PTCHD4: variants seen among roughly 807,000 people sequenced by gnomAD.
PTCHD4 encodes the protein patched domain containing 4.
PTCHD4 carries 33 observed loss-of-function variants against 58.1 expected under a neutral mutation model. That is an observed-to-expected ratio of 0.57 (90% CI 0.43 to 0.76). PTCHD4 has a LOEUF of 0.76. Ranked by LOEUF, PTCHD4 falls within the 30% of genes least tolerant of loss-of-function variation. The pLI is 0.00. For synonymous variants in PTCHD4, 478 were observed against 409.6 expected, an observed-to-expected ratio of 1.17 and a Z score of -2.02; for missense variants, 1,058 against 1,027.1, an observed-to-expected ratio of 1.03 and a Z score of -0.41.
At chr6:47,911,884 C>T (rs938508832) in intron 4 of PTCHD4, among the ~76,000 whole-genome samples, 1 of 151,988 alleles carries the variant, frequency 6.6e-6, no homozygotes, top group Admixed American at 6.6e-5. Flanking sequence ...CAAAGAGACC[C>T]TTGGACTAAA....
At chr6:47,959,863 A>G (rs1309135846) in intron 4 of PTCHD4, among the ~76,000 whole-genome samples, 1 of 146,044 alleles carries the variant, frequency 6.8e-6, no homozygotes, top group African/African-American at 2.7e-5. Flanking sequence ...GGAGTCTTCC[A>G]AATAGAAAAA....
At chr6:47,961,129 G>T (rs1412676803) in intron 4 of PTCHD4, among the ~76,000 whole-genome samples, 1 of 151,524 alleles carries the variant, frequency 6.6e-6, no homozygotes, top group Non-Finnish European at 1.5e-5. Flanking sequence ...AAAATTTCAG[G>T]TTCTACAAAG....
intron 1 of PTCHD4, among the ~76,000 whole-genome samples, chr6:48,072,882 T>C (rs1265647847): frequency 6.6e-6 from 1 of 152,002 alleles, no homozygotes; most frequent in Non-Finnish European, 1.5e-5. Context: ...TGTTTTTCTA[T>C]AACAAAAATA....
intron 4 of PTCHD4, among the ~76,000 whole-genome samples, chr6:47,963,054 G>A (rs745564049): frequency 6.6e-5 from 10 of 151,846 alleles, no homozygotes; most frequent in African/African-American, 1.2e-4. Context: ...GCTTGAACCC[G>A]GGAGGCAGAG....
intron 1 of PTCHD4, among the ~76,000 whole-genome samples, chr6:48,109,933 G>GTGTATTT (rs1765829096): frequency 6.6e-6 from 1 of 151,976 alleles, no homozygotes; most frequent in African/African-American, 2.4e-5. Flanking sequence ...AACTTAAAAA[G>GTGTATTT]AGAGAAAAAA....
At chr6:47,891,980 A>C (rs1272444172) in intron 4 of PTCHD4, among the ~76,000 whole-genome samples, 1 of 152,214 alleles carries the variant, frequency 6.6e-6, no homozygotes, top group Non-Finnish European at 1.5e-5. Context: ...AAGGATTTGA[A>C]TATCCAAACC....
Position 47,872,081 on chromosome 6 carries a change from C to T in PTCHD4, c.*6222G>A, listed in dbSNP as rs964679802. Reference sequence around the variant, plus strand: ...TGTTGCTACCAACAACCAGTGAATTCATCAGATAAAATGATAGAAGGTGTT... The same window carrying T: ...TGTTGCTACCAACAACCAGTGAATTTATCAGATAAAATGATAGAAGGTGTT... On this transcript the variant is annotated 3_prime_UTR_variant, in exon 5 of 5. Coordinates refer to ENST00000339488, the MANE Select transcript of PTCHD4 (RefSeq NM_001384253.1). 6.6e-6 allele frequency among the ~76,000 whole-genome samples: 1 copy of T among 150,858 alleles called. No homozygotes were observed. The highest frequency in any genetic ancestry group is 1.5e-5 in the Non-Finnish European group (1 of 67,558).
At chr6:47,982,552 G>A (rs1238614553) in intron 4 of PTCHD4, among the ~76,000 whole-genome samples, 3 of 147,792 alleles carry the variant, frequency 2.0e-5, no homozygotes, top group Non-Finnish European at 4.4e-5. Flanking sequence ...GCAGTGGCGC[G>A]ATCTCAGCTC....
intron 4 of PTCHD4, among the ~76,000 whole-genome samples, chr6:47,988,352 A>T (rs1439101355): frequency 2.0e-5 from 3 of 152,208 alleles, no homozygotes; most frequent in African/African-American, 7.2e-5. Context: ...AAAAATAGTG[A>T]CTATCACATA....
At chr6:48,022,153 C>T (rs1763092919) in intron 3 of PTCHD4, among the ~76,000 whole-genome samples, 1 of 151,502 alleles carries the variant, frequency 6.6e-6, no homozygotes, top group African/African-American at 2.4e-5. Context: ...CTCCCTCTTC[C>T]TTGTTCTATC....
At chr6:47,957,271 T>TTA (rs1007326649) in intron 4 of PTCHD4, among the ~76,000 whole-genome samples, 17 of 147,888 alleles carry the variant, frequency 1.1e-4, no homozygotes, top group African/African-American at 4.2e-4. Flanking sequence ...AATATATATA[T>TTA]TATATATATA....
intron 4 of PTCHD4, among the ~76,000 whole-genome samples, chr6:47,897,572 T>A (rs543201121): frequency 7.2e-5 from 11 of 152,216 alleles, no homozygotes; most frequent in Admixed American, 5.2e-4. Flanking sequence ...AAGACCTAAT[T>A]CTCCCTTCAG....
At chr6:48,025,796 T>C (rs1763223532) in intron 3 of PTCHD4, among the ~76,000 whole-genome samples, 2 of 152,148 alleles carry the variant, frequency 1.3e-5, no homozygotes, top group Admixed American at 1.3e-4. Flanking sequence ...AAAATAACAC[T>C]TTCTCAGAAC....
At chr6:48,050,829 A>G (rs1022611637) in intron 3 of PTCHD4, among the ~76,000 whole-genome samples, 2 of 152,046 alleles carry the variant, frequency 1.3e-5, no homozygotes, top group African/African-American at 4.8e-5. Flanking sequence ...TACAGAGCCA[A>G]ATAATTACTG....
chr6:47,951,991 T>G (rs1766670853), intron 4 of PTCHD4, among the ~76,000 whole-genome samples: 1 of 152,182 alleles, frequency 6.6e-6, no homozygotes, highest in South Asian at 2.1e-4. Flanking sequence ...AAGGAATATT[T>G]CATTCCTGAT....
intron 4 of PTCHD4, among the ~76,000 whole-genome samples, chr6:47,891,659 C>G (rs1441866126): frequency 4.6e-5 from 7 of 152,146 alleles, no homozygotes; most frequent in African/African-American, 1.4e-4. Context: ...CAACCATGCT[C>G]CCTTGAATTC....
At chr6:47,990,909 A>T (rs921412698) in intron 4 of PTCHD4, among the ~76,000 whole-genome samples, 9 of 152,204 alleles carry the variant, frequency 5.9e-5, no homozygotes, top group Non-Finnish European at 1.3e-4. Context: ...TTAGCTACAT[A>T]TTCTCTTTTA....
At chr6:47,977,855 T>C (rs1052061437) in intron 4 of PTCHD4, among the ~76,000 whole-genome samples, 3 of 152,164 alleles carry the variant, frequency 2.0e-5, no homozygotes, top group African/African-American at 7.2e-5. Flanking sequence ...AAAGAAAGTG[T>C]AGATAAATCA....
At chr6:48,004,508 TG>T in intron 4 of PTCHD4, among the ~76,000 whole-genome samples, 1 of 152,118 alleles carries the variant, frequency 6.6e-6, no homozygotes, top group Non-Finnish European at 1.5e-5. Flanking sequence ...GCAAATGAGG[TG>T]AAAAAAAGGC....
Sources: gnomAD v4.1 joint callset for allele counts (sites outside exome capture counted in the v4.1 genomes callset) on GRCh38, gnomAD v4.1.1 for gene constraint, MANE v1.5 for transcripts, NCBI Gene and HGNC (gene_info 2026-07-23, HGNC 2026-07-21) for gene names.